Variants in EXT1 observed in about 807,000 individuals in gnomAD.
EXT1 encodes the protein exostosin-1.
EXT1 carries 20 observed loss-of-function variants against 82.5 expected under a neutral mutation model. The ratio of observed to expected loss-of-function variants is 0.24; its 90% CI spans 0.17 to 0.35. EXT1 has a LOEUF of 0.35. EXT1 is among the 10% of genes least tolerant of loss of function. The pLI is 1.00. For synonymous variants in EXT1, 348 were observed against 350.8 expected (o/e 0.99, Z 0.09); for missense variants, 757 against 936.5 (o/e 0.81, Z 2.50).
intron 1 of EXT1, among the ~76,000 whole-genome samples, chr8:117,887,499 G>A (rs1456981834): frequency 2.0e-5 from 3 of 151,996 alleles, no homozygotes; most frequent in South Asian, 2.1e-4. Context: ...CTACAGGTGC[G>A]TGCCACCACG....
At chr8:118,017,531 C>A (rs1448181288) in intron 1 of EXT1, among the ~76,000 whole-genome samples, 1 of 152,124 alleles carries the variant, frequency 6.6e-6, no homozygotes, top group Non-Finnish European at 1.5e-5. Context: ...CCCCTCACCA[C>A]ACTGGTATGC....
At chr8:117,809,019 T>C (rs1230649681) in intron 8 of EXT1, among the ~76,000 whole-genome samples, 1 of 151,816 alleles carries the variant, frequency 6.6e-6, no homozygotes, top group Non-Finnish European at 1.5e-5. Context: ...GCTCCCTGGT[T>C]CTCAGGCTGT....
chr8:117,993,646 G>A (rs1451300654), intron 1 of EXT1, among the ~76,000 whole-genome samples: 2 of 152,322 alleles, frequency 1.3e-5, no homozygotes, highest in Admixed American at 6.5e-5. Flanking sequence ...TATCAAATAT[G>A]TTTGGCAGTG....
At chr8:117,808,240 G>A (rs982959493) in intron 8 of EXT1, among the ~76,000 whole-genome samples, 11 of 152,144 alleles carry the variant, frequency 7.2e-5, no homozygotes, top group Admixed American at 1.3e-4. Flanking sequence ...CAAAAATAGT[G>A]ACAGCAAACA....
intron 1 of EXT1, among the ~76,000 whole-genome samples, chr8:117,998,215 T>G (rs1033436369): frequency 6.6e-6 from 1 of 152,086 alleles, no homozygotes; most frequent in Non-Finnish European, 1.5e-5. Flanking sequence ...GATTTCACCA[T>G]GTTGGTCAGG....
At chr8:117,981,578 T>C (rs1321509109) in intron 1 of EXT1, among the ~76,000 whole-genome samples, 1 of 152,128 alleles carries the variant, frequency 6.6e-6, no homozygotes, top group African/African-American at 2.4e-5. Flanking sequence ...TACTTTCTGC[T>C]GGGCATGGTG....
intron 1 of EXT1, among the ~76,000 whole-genome samples, chr8:117,883,799 C>T (rs1043894639): frequency 5.3e-5 from 8 of 152,218 alleles, no homozygotes; most frequent in African/African-American, 1.9e-4. Context: ...GGAGCTTAGA[C>T]CAGGCAGCCG....
chr8:117,829,445 G>A (rs186745573), intron 4 of EXT1, among the ~76,000 whole-genome samples: 8 of 152,178 alleles, frequency 5.3e-5, no homozygotes, highest in Non-Finnish European at 1.0e-4. Flanking sequence ...CTGGTTGGCT[G>A]GCTTGCCTAA....
chr8:118,018,080 T>C (rs960104020), intron 1 of EXT1, among the ~76,000 whole-genome samples: 170 of 152,354 alleles, frequency 1.1e-3, no homozygotes, highest in African/African-American at 4.1e-3. Flanking sequence ...GATATATACA[T>C]ATCCACTAAA....
chr8:117,837,845 G>A (rs1253386101), intron 1 of EXT1, among the ~76,000 whole-genome samples: 7 of 147,626 alleles, frequency 4.7e-5, no homozygotes, highest in Admixed American at 3.4e-4. Flanking sequence ...AAAGAATAAC[G>A]AGAAAAGAAA....
intron 1 of EXT1, among the ~76,000 whole-genome samples, chr8:117,978,658 T>G (rs1815118556): frequency 6.6e-6 from 1 of 152,212 alleles, no homozygotes; most frequent in Non-Finnish European, 1.5e-5. Context: ...TCTTTACAAA[T>G]GTATCACAGC....
At position 118,110,613 on chromosome 8, in the gene EXT1, G is replaced by A. The variant is rs2130043499; in HGVS notation, c.434C>T (p.Thr145Ile). 1.2e-6 allele frequency: 2 copies of A among 1,614,202 alleles called. No homozygotes were observed. The highest frequency in any genetic ancestry group is 1.7e-6 in the Non-Finnish European group (2 of 1,180,038). Reference protein sequence around the residue: ...LAAIEGSRFYTSDPSQACLFV... With the variant: ...LAAIEGSRFYISDPSQACLFV... ...GAGGCACGCCTGGCTGGGGTCCGAG[G>A]TGTAGAACCTGGAGCCCTCGATGGC... Residue 145 changes from threonine (T) to isoleucine (I), a missense_variant, in exon 1 of 11, where the codon ACC (threonine) becomes ATC (isoleucine). Coordinates refer to ENST00000378204, the MANE Select transcript of EXT1 (RefSeq NM_000127.3).
chr8:117,834,989 C>T (rs987937632), intron 3 of EXT1, among the ~76,000 whole-genome samples: 4 of 152,260 alleles, frequency 2.6e-5, no homozygotes, highest in East Asian at 1.9e-4. Flanking sequence ...AGATAACACT[C>T]GCTCAGACAC....
intron 1 of EXT1, among the ~76,000 whole-genome samples, chr8:118,033,103 A>C (rs1816361067): frequency 6.6e-6 from 1 of 151,948 alleles, no homozygotes; most frequent in South Asian, 2.1e-4. Context: ...ATATGTGCCC[A>C]CTCCCTGTTC....
intron 7 of EXT1, among the ~76,000 whole-genome samples, chr8:117,816,212 G>A (rs751017993): frequency 3.3e-5 from 5 of 152,092 alleles, no homozygotes; most frequent in East Asian, 3.9e-4. Context: ...AGGGGGCATC[G>A]AGACACAGAG....
intron 1 of EXT1, among the ~76,000 whole-genome samples, chr8:117,932,798 T>C (rs981293838): frequency 3.9e-5 from 6 of 152,130 alleles, no homozygotes; most frequent in African/African-American, 1.4e-4. Context: ...ATAATCAAAA[T>C]GAAAAATGTA....
Position 118,008,714 on chromosome 8 carries a change from T to C in EXT1, c.962+101371A>G, listed in dbSNP as rs531084370. ...TTTAATTAGACACACATTGATTACA[T>C]TGTTTCTAATCTTTTCTTATTAAAA... On this transcript the variant is annotated intron_variant, in intron 1 of 10. Coordinates refer to ENST00000378204, the MANE Select transcript of EXT1 (RefSeq NM_000127.3). 1.6e-3 allele frequency among the ~76,000 whole-genome samples: 246 copies of C among 152,286 alleles called. 1 individual carries two copies. Among genetic ancestry groups the C allele is most frequent in the African/African-American group, 5.7e-3 (238 of 41,552 alleles).
At chr8:117,998,015 C>CTTTT (rs11324491) in intron 1 of EXT1, among the ~76,000 whole-genome samples, 3 of 125,664 alleles carry the variant, frequency 2.4e-5, no homozygotes, top group African/African-American at 8.9e-5. Context: ...TTTTATTTTA[C>CTTTT]TTTTTTTTTT....
intron 1 of EXT1, among the ~76,000 whole-genome samples, chr8:117,973,930 C>CAAGGAAGGAAGGAAAG (rs1815011247): frequency 2.5e-5 from 2 of 79,500 alleles, no homozygotes; most frequent in African/African-American, 1.1e-4. Flanking sequence ...AGGCAGAAAG[C>CAAGGAAGGAAGGAAAG]AAGGAAGGAA....
Sources: gnomAD v4.1 joint callset for allele counts (sites outside exome capture counted in the v4.1 genomes callset) on GRCh38, gnomAD v4.1.1 for gene constraint, MANE v1.5 for transcripts, NCBI Gene and HGNC (gene_info 2026-07-23, HGNC 2026-07-21) for gene names.